The following LDB2 variants were observed in gnomAD, a reference collection of about 807,000 sequenced individuals.
LDB2 encodes the protein LIM domain-binding protein 2.
A neutral mutation model predicts 44.3 loss-of-function variants in LDB2; 12 were observed. The ratio of observed to expected loss-of-function variants is 0.27; its 90% confidence interval spans 0.17 to 0.44. The LOEUF (loss-of-function observed/expected upper bound fraction) is 0.44. Among genes scored for constraint, LDB2 ranks in the 20% least tolerant of loss-of-function variants. LDB2 has a pLI of 1.00. For missense variants in LDB2, 344 were observed against 473.5 expected, an observed-to-expected ratio of 0.73 and a Z score of 2.54; for synonymous variants, 164 against 174.8, an observed-to-expected ratio of 0.94 and a Z score of 0.49.
intron 1 of LDB2, among the ~76,000 whole-genome samples, chr4:16,820,032 G>C (rs184114108): frequency 1.3e-5 from 2 of 152,256 alleles, no homozygotes; most frequent in Admixed American, 6.5e-5. Flanking sequence ...TGCTCTACGT[G>C]CAGAAGTACT....
chr4:16,845,874 G>T (rs556699725), intron 1 of LDB2, among the ~76,000 whole-genome samples: 1 of 152,028 alleles, frequency 6.6e-6, no homozygotes, highest in African/African-American at 2.4e-5. Context: ...TTGGGAGGCC[G>T]AGGTGGGTGG....
intron 6 of LDB2, among the ~76,000 whole-genome samples, chr4:16,510,606 G>C (rs1382418866): frequency 6.6e-6 from 1 of 152,118 alleles, no homozygotes; most frequent in African/African-American, 2.4e-5. Flanking sequence ...GGCTGTGGTA[G>C]TAAAATAATA....
At chr4:16,588,115 T>C (rs1717657654) in intron 4 of LDB2, among the ~76,000 whole-genome samples, 1 of 152,106 alleles carries the variant, frequency 6.6e-6, no homozygotes, top group African/African-American at 2.4e-5. Context: ...CTACTTACAT[T>C]TAAAATACAT....
intron 5 of LDB2, among the ~76,000 whole-genome samples, chr4:16,562,440 A>T (rs1195324513): frequency 2.6e-5 from 4 of 152,254 alleles, no homozygotes; most frequent in Non-Finnish European, 5.9e-5. Flanking sequence ...GAAGACATTT[A>T]TCCAGCCAAC....
Position 16,759,389 on chromosome 4 carries a change from C to T in LDB2, c.133-129G>A, listed in dbSNP as rs1767392283. On this transcript the variant is annotated intron_variant, in intron 1 of 7. Transcript: ENST00000304523. ...TACTTCGCGTATGTGTGTAGGTGTTCTAGGAAAGGGTAGGTGGGCGGTCAC... is the reference window on the plus strand; with the variant it reads ...TACTTCGCGTATGTGTGTAGGTGTTTTAGGAAAGGGTAGGTGGGCGGTCAC... 7 of 664,316 alleles carry T rather than the reference C, an allele frequency of 1.1e-5. No individual in the cohort carries two copies. The South Asian group carries it at 1.3e-4, about 13-fold the overall frequency. The allele number at this position is 664,316 out of a possible 1,614,324, so 41.2% of individuals were successfully genotyped here. A position where few individuals can be genotyped will look rare whatever the true frequency, so the allele number is the denominator to read the frequency against.
chr4:16,863,065 A>G (rs1561473714), intron 1 of LDB2, among the ~76,000 whole-genome samples: 1 of 152,142 alleles, frequency 6.6e-6, no homozygotes, highest in Non-Finnish European at 1.5e-5. Flanking sequence ...AGGTCAGAGG[A>G]AAAAAACAAC....
At chr4:16,527,706 T>C (rs910571419) in intron 5 of LDB2, among the ~76,000 whole-genome samples, 8 of 152,204 alleles carry the variant, frequency 5.3e-5, no homozygotes, top group African/African-American at 1.9e-4. Context: ...AGAACTGTGG[T>C]ATATAGTCAA....
chr4:16,690,368 G>A (rs1335496762), intron 2 of LDB2, among the ~76,000 whole-genome samples: 3 of 150,934 alleles, frequency 2.0e-5, no homozygotes, highest in Non-Finnish European at 4.4e-5. Flanking sequence ...AGGTTGAGGT[G>A]GGAGAATCAC....
In LDB2 at chr4:16,567,566, C is replaced by T. The variant is rs140866843; in HGVS notation, c.615+18356G>A. ...CGGGCGGATCACAAGGTCAGGAGAT[C>T]GAAACCATCCTGGCTAATGTGGTGA... On this transcript the variant is annotated intron_variant, in intron 5 of 7. Coordinates refer to ENST00000304523, the MANE Select transcript of LDB2 (RefSeq NM_001290.5). 2.4e-3 allele frequency among the ~76,000 whole-genome samples: 360 copies of T among 152,186 alleles called. 5 individuals carry two copies. Among genetic ancestry groups the T allele is most frequent in the African/African-American group, 8.2e-3 (339 of 41,528 alleles).
At chr4:16,542,097 G>T (rs1414774173) in intron 5 of LDB2, among the ~76,000 whole-genome samples, 2 of 88,710 alleles carry the variant, frequency 2.3e-5, no homozygotes, top group Non-Finnish European at 5.0e-5. Flanking sequence ...ATTACATCAG[G>T]TGGTGGGGGG....
intron 2 of LDB2, among the ~76,000 whole-genome samples, chr4:16,627,635 G>A (rs187059024): frequency 4.7e-4 from 72 of 152,318 alleles, no homozygotes; most frequent in Admixed American, 9.8e-4. Context: ...GTGACAAAGA[G>A]TCAGGATTCC....
intron 2 of LDB2, among the ~76,000 whole-genome samples, chr4:16,663,132 G>A (rs781009477): frequency 5.3e-5 from 8 of 152,056 alleles, no homozygotes; most frequent in Non-Finnish European, 8.8e-5. Context: ...GGTTCTCACA[G>A]CTTTCCTAAA....
At chr4:16,672,475 A>G (rs1745039434) in intron 2 of LDB2, among the ~76,000 whole-genome samples, 1 of 152,212 alleles carries the variant, frequency 6.6e-6, no homozygotes. Flanking sequence ...TTGCCCAGAG[A>G]GGCAAGAGTT....
intron 2 of LDB2, among the ~76,000 whole-genome samples, chr4:16,631,739 A>G (rs1327972148): frequency 6.6e-6 from 1 of 152,220 alleles, no homozygotes; most frequent in Non-Finnish European, 1.5e-5. Context: ...TGCAATAAAA[A>G]ATGATAAAGG....
intron 2 of LDB2, among the ~76,000 whole-genome samples, chr4:16,655,930 C>T (rs1443260051): frequency 3.3e-5 from 3 of 90,158 alleles, no homozygotes; most frequent in African/African-American, 9.6e-5. Context: ...GATGGAGTCT[C>T]GCTCTGTCGC....
intron 5 of LDB2, among the ~76,000 whole-genome samples, chr4:16,575,087 A>T (rs1217227409): frequency 2.0e-5 from 3 of 152,206 alleles, no homozygotes; most frequent in Non-Finnish European, 4.4e-5. Context: ...CAACAATTTG[A>T]ACATGACTTC....
At chr4:16,861,835 G>A (rs756789713) in intron 1 of LDB2, among the ~76,000 whole-genome samples, 8 of 152,170 alleles carry the variant, frequency 5.3e-5, no homozygotes, top group Non-Finnish European at 7.3e-5. Context: ...TGCCATTCCT[G>A]TCTTCTCAAA....
At chr4:16,619,885 G>A (rs1003937315) in intron 2 of LDB2, among the ~76,000 whole-genome samples, 1 of 149,738 alleles carries the variant, frequency 6.7e-6, no homozygotes, top group Non-Finnish European at 1.5e-5. Flanking sequence ...AATATTAATA[G>A]TAAGGAAAAT....
chr4:16,652,300 C>T (rs1738506983), intron 2 of LDB2, among the ~76,000 whole-genome samples: 1 of 152,082 alleles, frequency 6.6e-6, no homozygotes, highest in African/African-American at 2.4e-5. Flanking sequence ...GTTAAGGATA[C>T]ATACGCAAAG....
Sources: allele counts gnomAD v4.1 joint callset (sites outside exome capture counted in the v4.1 genomes callset), GRCh38; gene constraint gnomAD v4.1.1; transcripts MANE v1.5; gene names NCBI Gene and HGNC (gene_info 2026-07-23, HGNC 2026-07-21).